The following TRIM22 variants were observed in gnomAD, a reference collection of about 807,000 sequenced individuals.
TRIM22 encodes E3 ubiquitin-protein ligase TRIM22.
In TRIM22, 45 loss-of-function variants were observed where a neutral mutation model predicts 53.6. The ratio of observed to expected loss-of-function variants is 0.84; its 90% CI spans 0.66 to 1.08. TRIM22 has a LOEUF of 1.08. Among genes scored for constraint, TRIM22 ranks in the 50% least tolerant of loss-of-function variants. TRIM22 has a pLI of 0.00. For synonymous variants in TRIM22, 225 were observed against 216.6 expected, an observed-to-expected ratio of 1.04 and a Z score of -0.34; for missense variants, 616 against 590.9, an observed-to-expected ratio of 1.04 and a Z score of -0.44.
rs764933424 is a variant in TRIM22, at chr11:5,698,540, C to A, written c.745C>A (p.Leu249Met). 1 of 1,611,424 alleles carries A rather than the reference C, an allele frequency of 6.2e-7. No individual in the cohort carries two copies. ...GTTGAGGGGATCGTCAGTAGAGATG[C>A]TGCAGGTAAGACTTGGGATGGAGCA... ...RRLRGSSVEM[L>M]QDVIDVMKRS... Residue 249 changes from leucine (L) to methionine (M), a missense_variant, in exon 4 of 8, where the codon CTG (leucine) becomes ATG (methionine). Coordinates refer to ENST00000379965, the MANE Select transcript of TRIM22 (RefSeq NM_006074.5).
At chr11:5,703,912 C>G (rs566992421) in intron 4 of TRIM22, among the ~76,000 whole-genome samples, 1 of 152,134 alleles carries the variant, frequency 6.6e-6, no homozygotes, top group South Asian at 2.1e-4. Context: ...TTGCTAATAA[C>G]CTGAGAAATG....
intron 4 of TRIM22, among the ~76,000 whole-genome samples, chr11:5,704,203 T>C (rs1453821878): frequency 6.6e-6 from 1 of 152,216 alleles, no homozygotes; most frequent in Non-Finnish European, 1.5e-5. Context: ...TTCTCTTTCA[T>C]GCTAGATGTC....
intron 4 of TRIM22, among the ~76,000 whole-genome samples, chr11:5,701,451 C>G (rs2134178875): frequency 6.6e-6 from 1 of 152,248 alleles, no homozygotes. Flanking sequence ...CAATTGTTTA[C>G]ATTTGTTAAC....
intron 1 of TRIM22, 135 bp downstream of exon 1, chr11:5,690,034 C>G (rs565335593): frequency 6.6e-6 from 1 of 152,404 alleles, no homozygotes; most frequent in East Asian, 1.9e-4. Flanking sequence ...GAACTGTCTG[C>G]TGAGATGGCA....
intron 2 of TRIM22, 172 bp from the exon 3 acceptor site, chr11:5,697,076 A>G (rs879459775): frequency 1.7e-6 from 1 of 571,970 alleles, no homozygotes; most frequent in Non-Finnish European, 3.1e-6. Context: ...CCAGGAATAA[A>G]GAATACATTC....
chr11:5,693,122 G>C, intron 1 of TRIM22, among the ~76,000 whole-genome samples: 1 of 150,556 alleles, frequency 6.6e-6, no homozygotes. Flanking sequence ...CCTGACCTCA[G>C]GTAATCTGCC....
In TRIM22 at chr11:5,709,792, G is replaced by GAA; in HGVS notation, c.*144_*145insAA. ...GAATGTCTTTGTATTCATTTGCTAG[G>GAA]GCTTCCATAGCAAAGCATCATAGAT... is the stretch of plus-strand genomic sequence containing the variant. On this transcript the variant is annotated 3_prime_UTR_variant, in exon 8 of 8. Coordinates refer to ENST00000379965, the MANE Select transcript of TRIM22 (RefSeq NM_006074.5). The GAA allele has an allele frequency of 1.1e-5, 8 of 727,646 alleles. No individual in the cohort carries two copies. The highest frequency in any genetic ancestry group is 1.9e-5 in the South Asian group (1 of 51,868). The allele number at this position is 727,646 out of a possible 1,614,324, so 45.1% of individuals were successfully genotyped here. A position where few individuals can be genotyped will look rare whatever the true frequency, so the allele number is the denominator to read the frequency against.
intron 4 of TRIM22, among the ~76,000 whole-genome samples, chr11:5,702,519 G>A (rs1590317924): frequency 6.6e-6 from 1 of 150,960 alleles, no homozygotes; most frequent in East Asian, 1.9e-4. Context: ...CCTGGAGTTT[G>A]CAATATGCAT....
intron 1 of TRIM22, among the ~76,000 whole-genome samples, chr11:5,692,793 CAAAAA>C (rs749260436): frequency 1.0e-5 from 1 of 95,786 alleles, no homozygotes; most frequent in Admixed American, 1.1e-4. Context: ...GACCTTGTCT[CAAAAA>C]AAAAAAAAAA....
Position 5,708,350 on chromosome 11 carries a change from T to C in TRIM22, c.874+77T>C, listed in dbSNP as rs2291845. 0.29 allele frequency: 395,829 copies of C among 1,386,248 alleles called. 60,663 individuals carry two copies. The highest frequency in any genetic ancestry group is 0.33 in the Non-Finnish European group (323,074 of 984,314). 85.9% of individuals were successfully genotyped at this position (1,386,248 alleles called of 1,614,324 possible). ...TCAATAGGGAAGCGGGAGGTTTTTT[T>C]AGGTTAGGATATAGGAGAGGAGGTG... On this transcript the variant is annotated intron_variant, in intron 6 of 7. Transcript: ENST00000379965.
chr11:5,690,172 C>T (rs1853151093), intron 1 of TRIM22, among the ~76,000 whole-genome samples: 1 of 152,186 alleles, frequency 6.6e-6, no homozygotes, highest in African/African-American at 2.4e-5. Flanking sequence ...CCATCACCTT[C>T]CTTGTTGGAA....
intron 6 of TRIM22, 33 bp from the exon 7 acceptor site, chr11:5,708,544 C>T: frequency 6.3e-7 from 1 of 1,593,474 alleles, no homozygotes; most frequent in African/African-American, 1.4e-5. Flanking sequence ...TTATTTGCTT[C>T]TAACAACATC....
intron 6 of TRIM22, 36 bp from the exon 7 acceptor site, chr11:5,708,541 C>T (rs766739140): frequency 7.6e-6 from 12 of 1,588,596 alleles, no homozygotes; most frequent in Non-Finnish European, 1.7e-6. Flanking sequence ...TACTTATTTG[C>T]TTCTAACAAC....
chr11:5,708,568 T>C lies in TRIM22; in HGVS notation c.875-9T>C. The stretch of plus-strand genomic sequence containing the variant: ...TCTAACAACATCACTGAAACTTTTG[T>C]CGTTTCAGAGCTGACAGATGTCCAG... On this transcript the variant is annotated splice_polypyrimidine_tract_variant and intron_variant, in intron 6 of 7. Coordinates refer to ENST00000379965, the MANE Select transcript of TRIM22 (RefSeq NM_006074.5). 6.2e-7 allele frequency: 1 copy of C among 1,602,032 alleles called. No individual in the cohort carries two copies. Among genetic ancestry groups the C allele is most frequent in the Non-Finnish European group, 8.5e-7 (1 of 1,176,710 alleles).
At chr11:5,705,827 G>A (rs992258248) in intron 4 of TRIM22, among the ~76,000 whole-genome samples, 1 of 152,142 alleles carries the variant, frequency 6.6e-6, no homozygotes, top group Non-Finnish European at 1.5e-5. Flanking sequence ...TTGGGAAATA[G>A]TAAGTTACAT....
At chr11:5,708,937 T>C in intron 7 of TRIM22, 116 bp from the exon 8 acceptor site, 1 of 830,058 alleles carries the variant, frequency 1.2e-6, no homozygotes, top group South Asian at 1.7e-5. Context: ...CCTCTGACTA[T>C]CAACACAAGT....
At chr11:5,705,937 A>C (rs10769188) in intron 4 of TRIM22, among the ~76,000 whole-genome samples, 59,634 of 152,022 alleles carry the variant, frequency 0.39, 12,448 homozygotes, top group Non-Finnish European at 0.46. Flanking sequence ...CAGTGAGTAC[A>C]TGGAGGCCAG....
At chr11:5,698,897 C>A (rs1191796796) in intron 4 of TRIM22, among the ~76,000 whole-genome samples, 2 of 152,220 alleles carry the variant, frequency 1.3e-5, no homozygotes, top group Non-Finnish European at 2.9e-5. Context: ...CACCTCCTGG[C>A]AGCCTATCTG....
At chr11:5,700,404 C>T (rs1004574019) in intron 4 of TRIM22, among the ~76,000 whole-genome samples, 4 of 151,842 alleles carry the variant, frequency 2.6e-5, no homozygotes, top group Middle Eastern at 3.2e-3. Context: ...CGTGAGCCAC[C>T]GCGCCTGGCC....
Sources: gnomAD v4.1 joint callset for allele counts (sites outside exome capture counted in the v4.1 genomes callset) on GRCh38, gnomAD v4.1.1 for gene constraint, MANE v1.5 for transcripts, NCBI Gene and HGNC (gene_info 2026-07-23, HGNC 2026-07-21) for gene names.